The following EARS2 variants were observed in gnomAD, a reference collection of about 807,000 sequenced individuals.
EARS2 encodes the protein nondiscriminating glutamyl-tRNA synthetase EARS2, mitochondrial.
In EARS2, 50 loss-of-function variants were observed where a neutral mutation model predicts 54.1. That is an observed-to-expected ratio of 0.92 (90% CI 0.74 to 1.17). The LOEUF (loss-of-function observed/expected upper bound fraction) is 1.17. Ranked by LOEUF, EARS2 falls within the 50% of genes most tolerant of loss-of-function variation. The pLI, the probability that EARS2 is intolerant of heterozygous loss-of-function variation, is 0.00. For missense variants in EARS2, 673 were observed against 675.0 expected, an observed-to-expected ratio of 1.00 and a Z score of 0.03; for synonymous variants, 298 against 281.0, an observed-to-expected ratio of 1.06 and a Z score of -0.61.
intron 3 of EARS2, 101 bp from the exon 4 acceptor site, chr16:23,535,461 T>C (rs1359322707): frequency 7.0e-6 from 7 of 1,002,078 alleles, no homozygotes; most frequent in African/African-American, 3.2e-5. Context: ...AGTCAGTTAC[T>C]GCTGCAAGCT....
intron 3 of EARS2, among the ~76,000 whole-genome samples, chr16:23,535,770 T>G (rs559969415): frequency 6.6e-6 from 1 of 151,618 alleles, no homozygotes; most frequent in African/African-American, 2.4e-5. Context: ...CCGGGAAAGG[T>G]TTTTCTCTCC....
At chr16:23,532,106 C>A (rs1448255732) in intron 5 of EARS2, among the ~76,000 whole-genome samples, 2 of 152,222 alleles carry the variant, frequency 1.3e-5, no homozygotes, top group Non-Finnish European at 1.5e-5. Context: ...AGCCGCCACA[C>A]CCAGCCGACA....
intron 3 of EARS2, 109 bp from the exon 4 acceptor site, chr16:23,535,469 G>T (rs1485235052): frequency 2.0e-6 from 2 of 977,978 alleles, no homozygotes; most frequent in Non-Finnish European, 3.0e-6. Context: ...ACTGCTGCAA[G>T]CTGCTTCCTC....
chr16:23,539,676 G>T (rs1443997951), intron 3 of EARS2, among the ~76,000 whole-genome samples: 2 of 150,310 alleles, frequency 1.3e-5, no homozygotes, highest in African/African-American at 4.9e-5. Context: ...ATAAATGGCT[G>T]CAAGGATTCC....
intron 3 of EARS2, 22 bp downstream of exon 3, chr16:23,544,492 T>C (rs1285845329): frequency 6.2e-7 from 1 of 1,606,348 alleles, no homozygotes; most frequent in African/African-American, 1.3e-5. Flanking sequence ...ATGAGGCATC[T>C]GCAACAAGCT....
rs955308513 is a variant in EARS2 at position 23,535,378 on chromosome 16, A to C, written c.486-18T>G. The stretch of plus-strand genomic sequence containing the variant: ...TGTCATACCTGATGGGGAGCAGAGC[A>C]GCATGAGTACTGTTGATGGAAAGGT... On this transcript the variant is annotated intron_variant, in intron 3 of 8. Transcript: ENST00000449606. 3.1e-6 allele frequency: 5 copies of C among 1,591,644 alleles called. No individual in the cohort carries two copies. Among genetic ancestry groups the C allele is most frequent in the Non-Finnish European group, 4.3e-6 (5 of 1,175,738 alleles).
At chr16:23,555,019 GC>G (rs1416058896) in intron 1 of EARS2, among the ~76,000 whole-genome samples, 4 of 152,176 alleles carry the variant, frequency 2.6e-5, no homozygotes, top group Non-Finnish European at 5.9e-5. Flanking sequence ...CCGCAAATGA[GC>G]AAGGAAATGA....
At chr16:23,525,514 G>T in intron 7 of EARS2, 135 bp from the exon 8 acceptor site, 1 of 1,053,838 alleles carries the variant, frequency 9.5e-7, no homozygotes, top group East Asian at 2.4e-5. Context: ...TGAGGGAGGT[G>T]AGGAAGATAT....
At position 23,525,363 on chromosome 16, in the gene EARS2, T is replaced by C. The variant is rs6497671; in HGVS notation, c.1369A>G (p.Ser457Gly). Residue 457 changes from serine (S) to glycine (G), a missense_variant, in exon 8 of 9, where the codon AGT (serine) becomes GGT (glycine). Physicochemically the swap from Ser to Gly is moderately conservative, Grantham distance 56. Coordinates refer to ENST00000449606, the MANE Select transcript of EARS2 (RefSeq NM_001083614.2). Reference protein sequence around the residue: ...KRVLGLLERSSMSLTQDMLNG... With the variant: ...KRVLGLLERSGMSLTQDMLNG... The stretch of plus-strand genomic sequence containing the variant: ...AGCATATCCTGAGTTAAGCTCATAC[T>C]AGATCTTTCTAGAAGCCTAGAAGAA... The C allele has an allele frequency of 0.84, 1,359,469 of 1,613,500 alleles. 573,977 individuals carry two copies. Among genetic ancestry groups the C allele is most frequent in the Middle Eastern group, 0.88 (5,351 of 6,060 alleles).
At chr16:23,531,508 G>A (rs1216234999) in intron 5 of EARS2, among the ~76,000 whole-genome samples, 1 of 151,984 alleles carries the variant, frequency 6.6e-6, no homozygotes, top group Non-Finnish European at 1.5e-5. Flanking sequence ...TGATCTGCCT[G>A]CCTCGGCCTC....
rs754396141 is a variant in EARS2, at chr16:23,544,519, C to A, written c.480G>T (p.Thr160=). 1.2e-6 allele frequency: 2 copies of A among 1,613,068 alleles called. No individual in the cohort carries two copies. Among genetic ancestry groups the A allele is most frequent in the East Asian group, 2.2e-5 (1 of 44,894 alleles). ...CAACAAGCTGAGGTTCTTACCGGGG[C>A]GTCTGGTGGTTCCGCAAGGCCTCCT... ...LKKEALRNHQ[T]PRYDNRCRNM... Residue 160 remains threonine (T), a synonymous_variant, in exon 3 of 9, where the codon ACG becomes ACT. Transcript: ENST00000449606.
chr16:23,527,614 T>C (rs1965251799), intron 7 of EARS2, among the ~76,000 whole-genome samples: 1 of 143,984 alleles, frequency 6.9e-6, no homozygotes, highest in Non-Finnish European at 1.5e-5. Context: ...AGTCCAGTGG[T>C]GCAACCTCAG....
chr16:23,532,652 C>T lies in EARS2; in HGVS notation c.1067+5G>A. 8 of 1,612,074 alleles carry T rather than the reference C, an allele frequency of 5.0e-6. No individual in the cohort carries two copies. The highest frequency in any genetic ancestry group is 5.9e-6 in the Non-Finnish European group (7 of 1,178,420). On this transcript the variant is annotated splice_donor_5th_base_variant and intron_variant, in intron 5 of 8. Coordinates refer to ENST00000449606, the MANE Select transcript of EARS2 (RefSeq NM_001083614.2). ...CACCAGGGGATCTCCATGCTCCCCA[C>T]TCACCTGTTGAATTCTGGGAGCTTC...
At chr16:23,546,955 C>T (rs1965613318) in intron 2 of EARS2, among the ~76,000 whole-genome samples, 1 of 152,206 alleles carries the variant, frequency 6.6e-6, no homozygotes, top group Non-Finnish European at 1.5e-5. Flanking sequence ...GGGGGGATCC[C>T]TTCCTGATCT....
chr16:23,547,305 T>C (rs1031190038), intron 2 of EARS2, among the ~76,000 whole-genome samples: 1 of 152,080 alleles, frequency 6.6e-6, no homozygotes, highest in Non-Finnish European at 1.5e-5. Flanking sequence ...GGCAAATCCA[T>C]GGAGGCAGAA....
chr16:23,537,124 AC>A, intron 3 of EARS2: 1 of 243,454 alleles, frequency 4.1e-6, no homozygotes. Context: ...AGTGAGTTTG[AC>A]AAAAAGTTAA....
chr16:23,552,149 C>A lies in EARS2; in HGVS notation c.295G>T (p.Gly99Cys). ...ENIEDMLEWA[G>C]IPPDESPRRG... Reference sequence around the variant, plus strand: ...AAGATCCTTTCTCTGCCAGGCTTACCTGCCCACTCCAGCATGTCCTCAATA... The same window carrying A: ...AAGATCCTTTCTCTGCCAGGCTTACATGCCCACTCCAGCATGTCCTCAATA... The change falls in exon 2 of 9, where the codon GGC (glycine) becomes TGC (cysteine). Residue 99 changes from glycine to cysteine, a missense_variant and splice_region_variant. Gly to Cys is a radical substitution (Grantham distance 159). This residue lies in a region of EARS2 where 316 missense variants were observed against 275.2 expected (regional missense o/e 1.15). Coordinates refer to ENST00000449606, the MANE Select transcript of EARS2 (RefSeq NM_001083614.2). 6.2e-7 allele frequency: 1 copy of A among 1,613,162 alleles called. No homozygotes were observed. The highest frequency in any genetic ancestry group is 8.5e-7 in the Non-Finnish European group (1 of 1,179,296).
chr16:23,529,416 C>A, intron 7 of EARS2, 86 bp downstream of exon 7: 4 of 1,514,690 alleles, frequency 2.6e-6, no homozygotes, highest in Admixed American at 2.0e-5. Flanking sequence ...GGGGCCCCAA[C>A]AGCCCAGCCC....
rs1392447891 is a variant in EARS2 at position 23,552,283 on chromosome 16, A to G, written c.161T>C (p.Leu54Pro). 2.5e-6 allele frequency: 4 copies of G among 1,614,212 alleles called. No homozygotes were observed. The highest frequency in any genetic ancestry group is 2.2e-5 in the South Asian group (2 of 91,086). ...SPTGFLHLGG[L>P]RTALYNYIFA... ...GATGTAGTTGTACAAGGCAGTGCGG[A>G]GGCCACCCAGGTGCAAGAAGCCTGG... Residue 54 changes from leucine (L) to proline (P), a missense_variant, in exon 2 of 9, where the codon CTC becomes CCC. Leu to Pro is a moderately conservative substitution (Grantham distance 98). Coordinates refer to ENST00000449606, the MANE Select transcript of EARS2 (RefSeq NM_001083614.2).
Sources: gnomAD v4.1 joint callset for allele counts (sites outside exome capture counted in the v4.1 genomes callset) on GRCh38, gnomAD v4.1.1 for gene constraint, gnomAD v4.1.1 regional missense constraint, MANE v1.5 for transcripts, NCBI Gene and HGNC (gene_info 2026-07-23, HGNC 2026-07-21) for gene names.